CACNA1C: variants seen among roughly 807,000 people sequenced by gnomAD.
The protein encoded by CACNA1C is calcium voltage-gated channel subunit alpha1 C, also known as voltage-dependent L-type calcium channel subunit alpha-1C.
Under a neutral mutation model 229.0 loss-of-function variants are expected in CACNA1C, and 30 were observed. The observed-to-expected ratio is 0.13, with a 90% CI of 0.10 to 0.18. The LOEUF (loss-of-function observed/expected upper bound fraction) is 0.18. Ranked by LOEUF, CACNA1C falls within the 10% of genes least tolerant of loss-of-function variation. The probability of loss-of-function intolerance (pLI) is 1.00; values close to 1 mark genes in which losing one functional copy is unlikely to be tolerated. For synonymous variants in CACNA1C, 1,114 were observed against 1,132.5 expected (o/e 0.98, Z 0.33); for missense variants, 1,658 against 2,845.0 (o/e 0.58, Z 9.49).
intron 3 of CACNA1C, among the ~76,000 whole-genome samples, chr12:2,218,687 A>G (rs529828586): frequency 6.6e-6 from 1 of 152,366 alleles, no homozygotes; most frequent in East Asian, 1.9e-4. Context: ...ACTCTGGGAA[A>G]CATTTGATGT....
intron 3 of CACNA1C, among the ~76,000 whole-genome samples, chr12:2,300,402 C>T (rs1466129822): frequency 6.6e-6 from 1 of 152,086 alleles, no homozygotes; most frequent in African/African-American, 2.4e-5. Flanking sequence ...AGGTGGATCA[C>T]TTGAATCTAG....
intron 8 of CACNA1C, among the ~76,000 whole-genome samples, chr12:2,511,054 G>GA (rs1450953836): frequency 6.6e-6 from 1 of 152,018 alleles, no homozygotes; most frequent in Non-Finnish European, 1.5e-5. Flanking sequence ...AAGTCCTTGG[G>GA]AAAAAAATGA....
At chr12:2,609,624 G>A (rs929498433) in intron 27 of CACNA1C, among the ~76,000 whole-genome samples, 5 of 150,934 alleles carry the variant, frequency 3.3e-5, no homozygotes, top group Admixed American at 6.6e-5. Flanking sequence ...AGGTAAAAGC[G>A]TTAAGACTCA....
At chr12:2,174,930 A>AGT (rs1201613554) in intron 3 of CACNA1C, among the ~76,000 whole-genome samples, 9 of 152,188 alleles carry the variant, frequency 5.9e-5, no homozygotes, top group Non-Finnish European at 1.2e-4. Flanking sequence ...CCTTGTCTTC[A>AGT]CATTGAGCAG....
chr12:2,066,943 A>G (rs915304950), intron 1 of CACNA1C, among the ~76,000 whole-genome samples: 2 of 151,916 alleles, frequency 1.3e-5, no homozygotes, highest in African/African-American at 4.8e-5. Flanking sequence ...GCTTGAGGAG[A>G]CCGGAAGAGG....
chr12:2,572,866 CCTTCT>C (rs1479793379), intron 13 of CACNA1C, among the ~76,000 whole-genome samples: 2 of 127,266 alleles, frequency 1.6e-5, no homozygotes, highest in East Asian at 5.2e-4. Flanking sequence ...TCCTCCTCCT[CCTTCT>C]CTTCTTCTTC....
At chr12:2,609,980 C>G (rs2076936846) in intron 27 of CACNA1C, among the ~76,000 whole-genome samples, 1 of 152,126 alleles carries the variant, frequency 6.6e-6, no homozygotes, top group Admixed American at 6.5e-5. Context: ...AAAAAATTAG[C>G]TGGGCGTTGT....
In CACNA1C at chr12:2,681,937, C is replaced by T. The variant is rs773715927; in HGVS notation, c.5445-613C>T. 6.8e-6 allele frequency: 10 copies of T among 1,481,010 alleles called. No homozygotes were observed. The South Asian group carries it at 1.0e-4, about 15-fold the overall frequency. 91.7% of individuals were successfully genotyped at this position (1,481,010 alleles called of 1,614,324 possible). A position where few individuals can be genotyped will look rare whatever the true frequency, so the allele number is the denominator to read the frequency against. On this transcript the variant is annotated intron_variant, in intron 42 of 46. Transcript: ENST00000399655. ...GGTCCAGAGCTAAAGATGACCTGAC[C>T]CTGTCCCAGCAGGGAAAGGCACGTT...
chr12:2,588,220 G>T (rs554569190), intron 18 of CACNA1C, among the ~76,000 whole-genome samples: 12 of 152,348 alleles, frequency 7.9e-5, no homozygotes, highest in Non-Finnish European at 1.6e-4. Context: ...AACCACGAAT[G>T]GCAAAGATCC....
At chr12:2,363,970 C>T (rs1198373054) in intron 3 of CACNA1C, among the ~76,000 whole-genome samples, 1 of 152,174 alleles carries the variant, frequency 6.6e-6, no homozygotes, top group African/African-American at 2.4e-5. Context: ...TGCCATCATC[C>T]CCTCGTGCCT....
At position 2,407,983 on chromosome 12, in the gene CACNA1C, G is replaced by A. The variant is rs899630609; in HGVS notation, c.478-40993G>A. 1.3e-4 allele frequency among the ~76,000 whole-genome samples: 20 copies of A among 152,192 alleles called. 2 individuals are homozygous for A. On this transcript the variant is annotated intron_variant, in intron 3 of 46. Transcript: ENST00000399655. Reference sequence around the variant, plus strand: ...ACTCTTCCCCCAGCAAAGGCCAAGTGGGGAACCTCAACGTCCATCCTCATC... The same window carrying A: ...ACTCTTCCCCCAGCAAAGGCCAAGTAGGGAACCTCAACGTCCATCCTCATC...
At chr12:2,045,295 T>C (rs1400056789) in intron 1 of CACNA1C, among the ~76,000 whole-genome samples, 3 of 152,226 alleles carry the variant, frequency 2.0e-5, no homozygotes, top group Admixed American at 1.3e-4. Context: ...AAGAACACTT[T>C]TCAGCTTCCT....
intron 10 of CACNA1C, among the ~76,000 whole-genome samples, chr12:2,551,706 C>T (rs1385643222): frequency 1.3e-5 from 2 of 152,124 alleles, no homozygotes; most frequent in African/African-American, 4.8e-5. Context: ...ACGATGAGGA[C>T]TGCTGTGTAG....
chr12:1,994,850 C>A (rs2154475604), intron 1 of CACNA1C, among the ~76,000 whole-genome samples: 1 of 152,264 alleles, frequency 6.6e-6, no homozygotes, highest in Admixed American at 6.5e-5. Flanking sequence ...TCTAAAGCAA[C>A]TTCTGTAAGA....
At chr12:2,365,666 A>G (rs1017774390) in intron 3 of CACNA1C, among the ~76,000 whole-genome samples, 6 of 151,790 alleles carry the variant, frequency 4.0e-5, no homozygotes, top group Non-Finnish European at 8.8e-5. Flanking sequence ...TGCATAGAAA[A>G]CAATATTTTT....
chr12:2,570,057 A>T (rs1204658120), intron 13 of CACNA1C, among the ~76,000 whole-genome samples: 1 of 152,212 alleles, frequency 6.6e-6, no homozygotes, highest in Non-Finnish European at 1.5e-5. Context: ...GACTTGCAGT[A>T]GAATACATAT....
At chr12:2,112,611 C>A (rs2082201670) in intron 1 of CACNA1C, among the ~76,000 whole-genome samples, 2 of 152,140 alleles carry the variant, frequency 1.3e-5, no homozygotes, top group South Asian at 4.1e-4. Context: ...GGCTGTAATG[C>A]TACAGGGGCC....
At chr12:2,462,195 C>G (rs1365383449) in intron 5 of CACNA1C, among the ~76,000 whole-genome samples, 3 of 151,632 alleles carry the variant, frequency 2.0e-5, no homozygotes, top group African/African-American at 7.3e-5. Context: ...TCTGTCTGAA[C>G]GCCCTCGGCT....
intron 3 of CACNA1C, among the ~76,000 whole-genome samples, chr12:2,378,768 T>A (rs1169590590): frequency 6.7e-6 from 1 of 150,278 alleles, no homozygotes; most frequent in Non-Finnish European, 1.5e-5. Flanking sequence ...TCTTTTTGTT[T>A]GTTTATTTGG....
Sources: allele counts gnomAD v4.1 joint callset (sites outside exome capture counted in the v4.1 genomes callset), GRCh38; gene constraint gnomAD v4.1.1; transcripts MANE v1.5; gene names NCBI Gene and HGNC (gene_info 2026-07-23, HGNC 2026-07-21).